Variants in METTL16 observed in about 807,000 individuals in gnomAD.
METTL16 encodes RNA N(6)-adenosine-methyltransferase METTL16.
In METTL16, 19 loss-of-function variants were observed where a neutral mutation model predicts 57.9. That is an observed-to-expected ratio of 0.33 (90% CI 0.23 to 0.48). METTL16 has a LOEUF of 0.48. Ranked by LOEUF, METTL16 falls within the 20% of genes least tolerant of loss-of-function variation. The pLI is 0.99. For synonymous variants in METTL16, 246 were observed against 255.6 expected (o/e 0.96, Z 0.36); for missense variants, 434 against 691.5 (o/e 0.63, Z 4.18).
chr17:2,459,175 G>T (rs1406507024), intron 6 of METTL16, among the ~76,000 whole-genome samples: 1 of 152,148 alleles, frequency 6.6e-6, no homozygotes, highest in African/African-American at 2.4e-5. Context: ...GCCAAAGTAA[G>T]GGTGACAAGC....
At chr17:2,447,622 T>G (rs1315123484) in intron 6 of METTL16, among the ~76,000 whole-genome samples, 50 of 53,518 alleles carry the variant, frequency 9.3e-4, no homozygotes, top group African/African-American at 2.3e-3. Context: ...GTCCGGGAGG[T>G]GAGGGGCGCC....
intron 2 of METTL16, among the ~76,000 whole-genome samples, chr17:2,480,434 A>G (rs1244989427): frequency 6.6e-6 from 1 of 152,208 alleles, no homozygotes; most frequent in African/African-American, 2.4e-5. Flanking sequence ...AGCAGACAGA[A>G]ACAGGATGAC....
At chr17:2,440,995 AAGAAG>A (rs2066946728) in intron 7 of METTL16, among the ~76,000 whole-genome samples, 2 of 102,766 alleles carry the variant, frequency 1.9e-5, no homozygotes, top group Non-Finnish European at 3.6e-5. Context: ...AAAAAAAAAA[AAGAAG>A]AAGAAGAAGA....
chr17:2,502,748 T>C (rs781573326), intron 1 of METTL16, among the ~76,000 whole-genome samples: 15 of 150,938 alleles, frequency 9.9e-5, no homozygotes, highest in Non-Finnish European at 2.2e-4. Flanking sequence ...ACAGCCAACA[T>C]GTCTTTGCCG....
intron 2 of METTL16, among the ~76,000 whole-genome samples, chr17:2,491,097 C>G (rs555518598): frequency 1.3e-5 from 2 of 152,282 alleles, no homozygotes; most frequent in South Asian, 4.1e-4. Flanking sequence ...AGTTAAGAAT[C>G]TAGGTCACGT....
At chr17:2,481,658 A>G (rs979814946) in intron 2 of METTL16, among the ~76,000 whole-genome samples, 4 of 152,214 alleles carry the variant, frequency 2.6e-5, no homozygotes, top group Non-Finnish European at 5.9e-5. Context: ...AGTAGTAAAC[A>G]TAAGAGAGGT....
chr17:2,438,274 A>G (rs186603988), intron 7 of METTL16, 76 bp from the exon 8 acceptor site: 4 of 1,048,532 alleles, frequency 3.8e-6, no homozygotes, highest in Non-Finnish European at 6.0e-6. Flanking sequence ...GCGTCATGCC[A>G]TATTATGTTG....
At chr17:2,492,494 C>G (rs1199962679) in intron 2 of METTL16, among the ~76,000 whole-genome samples, 14 of 152,090 alleles carry the variant, frequency 9.2e-5, no homozygotes, top group Admixed American at 9.2e-4. Context: ...CCATAGAATG[C>G]TAGTCATTCT....
At chr17:2,447,150 C>G (rs972360848) in intron 6 of METTL16, among the ~76,000 whole-genome samples, 1 of 144,318 alleles carries the variant, frequency 6.9e-6, no homozygotes, top group African/African-American at 2.9e-5. Context: ...GCCTCTTCCC[C>G]GCCGCCTTCC....
intron 6 of METTL16, among the ~76,000 whole-genome samples, chr17:2,456,243 C>T (rs1394043914): frequency 6.6e-6 from 1 of 152,066 alleles, no homozygotes; most frequent in African/African-American, 2.4e-5. Context: ...CTGAGGGGCA[C>T]AATTCTTTGT....
chr17:2,485,212 T>C (rs1233408405), intron 2 of METTL16, among the ~76,000 whole-genome samples: 1 of 152,170 alleles, frequency 6.6e-6, no homozygotes, highest in Non-Finnish European at 1.5e-5. Flanking sequence ...GGGATCTAGG[T>C]TGAGCACTCC....
chr17:2,476,479 G>C (rs1415715806), intron 3 of METTL16, among the ~76,000 whole-genome samples: 3 of 152,156 alleles, frequency 2.0e-5, no homozygotes, highest in East Asian at 1.9e-4. Context: ...GCAAAGAAAT[G>C]AAAGAGGAAA....
intron 5 of METTL16, among the ~76,000 whole-genome samples, chr17:2,465,546 C>CAAAAAAA (rs547864019): frequency 1.2e-4 from 3 of 24,508 alleles, no homozygotes; most frequent in African/African-American, 1.6e-4. Flanking sequence ...GACTCCATCT[C>CAAAAAAA]AAAAAAAAAA....
At chr17:2,469,008 G>T (rs2067220147) in intron 4 of METTL16, among the ~76,000 whole-genome samples, 1 of 151,516 alleles carries the variant, frequency 6.6e-6, no homozygotes, top group Non-Finnish European at 1.5e-5. Flanking sequence ...GCCGAGGCAG[G>T]TGGATCACTT....
At chr17:2,464,766 T>C (rs952431985) in intron 5 of METTL16, among the ~76,000 whole-genome samples, 3 of 152,178 alleles carry the variant, frequency 2.0e-5, no homozygotes, top group African/African-American at 7.2e-5. Context: ...AAAAGTTAAC[T>C]CAAAATTCAT....
intron 6 of METTL16, among the ~76,000 whole-genome samples, chr17:2,461,923 T>C (rs1173424330): frequency 2.6e-5 from 4 of 152,098 alleles, no homozygotes; most frequent in African/African-American, 9.7e-5. Context: ...TCATCTATAC[T>C]ACATAGACAG....
At position 2,447,372 on chromosome 17, in the gene METTL16, C is replaced by G. The variant is rs1181139025; in HGVS notation, c.729-5813G>C. Among the ~76,000 whole-genome samples the G allele has an allele frequency of 9.6e-5, 13 of 135,178 alleles. No individual in the cohort carries two copies. In the South Asian group the frequency reaches 1.9e-3, roughly 20 times the overall value. The allele number at this position is 135,178 out of a possible 152,430, so 88.7% of individuals were successfully genotyped here. On this transcript the variant is annotated intron_variant, in intron 6 of 9. Coordinates refer to ENST00000263092, the MANE Select transcript of METTL16 (RefSeq NM_024086.4). ...CCGCCCCGTCTGAGAAGTGAGGAGCCCCTCCGTCCAGCAGCCACCCCGTCT... is the reference window on the plus strand; with the variant it reads ...CCGCCCCGTCTGAGAAGTGAGGAGCGCCTCCGTCCAGCAGCCACCCCGTCT...
In METTL16 at chr17:2,417,085, T is replaced by TTTTTTTA. The variant is rs869134753; in HGVS notation, c.*2884_*2885insTAAAAAA. 8 of 138,354 alleles carry TTTTTTTA rather than the reference T, an allele frequency of 5.8e-5. No individual in the cohort carries two copies. The highest frequency in any genetic ancestry group is 2.3e-4 in the African/African-American group (8 of 34,946). 8.6% of individuals were successfully genotyped at this position (138,354 alleles called of 1,614,324 possible). ...TTTTTTTTTTTTTTTTTTTTTTTTT[T>TTTTTTTA]GAGACAGTCCCACTTTGTCGCCCAG... On this transcript the variant is annotated 3_prime_UTR_variant, in exon 10 of 10. Coordinates refer to ENST00000263092, the MANE Select transcript of METTL16 (RefSeq NM_024086.4).
chr17:2,474,890 A>G (rs1459081652), intron 3 of METTL16, among the ~76,000 whole-genome samples: 2 of 150,166 alleles, frequency 1.3e-5, no homozygotes, highest in Non-Finnish European at 2.9e-5. Flanking sequence ...ATTGCACTCC[A>G]GCCTAGGTGA....
Sources: gnomAD v4.1 joint callset for allele counts (sites outside exome capture counted in the v4.1 genomes callset) on GRCh38, gnomAD v4.1.1 for gene constraint, MANE v1.5 for transcripts, NCBI Gene and HGNC (gene_info 2026-07-23, HGNC 2026-07-21) for gene names.